SCD5: variants seen among roughly 807,000 people sequenced by gnomAD.
SCD5 encodes the protein stearoyl-CoA desaturase 5, also known as acyl-CoA-desaturase 4.
SCD5 carries 20 observed loss-of-function variants against 30.4 expected under a neutral mutation model. The ratio of observed to expected loss-of-function variants is 0.66; its 90% CI spans 0.46 to 0.96. SCD5 has a LOEUF of 0.96. Among genes scored for constraint, SCD5 ranks in the 40% least tolerant of loss-of-function variants. The pLI is 0.00. For missense variants in SCD5, 381 were observed against 443.3 expected, an observed-to-expected ratio of 0.86 and a Z score of 1.26; for synonymous variants, 173 against 176.4, an observed-to-expected ratio of 0.98 and a Z score of 0.16.
intron 3 of SCD5, among the ~76,000 whole-genome samples, chr4:82,649,199 G>C (rs1727694610): frequency 6.6e-6 from 1 of 151,514 alleles, no homozygotes; most frequent in Non-Finnish European, 1.5e-5. Context: ...GTGTGTGTGT[G>C]TGTGTGTGTG....
At chr4:82,757,606 A>C (rs1721261169) in intron 1 of SCD5, among the ~76,000 whole-genome samples, 1 of 152,212 alleles carries the variant, frequency 6.6e-6, no homozygotes, top group Non-Finnish European at 1.5e-5. Context: ...ATTGTGGGTG[A>C]GGTGGTTAAG....
At chr4:82,695,700 T>C (rs1163899550) in intron 2 of SCD5, among the ~76,000 whole-genome samples, 2 of 152,196 alleles carry the variant, frequency 1.3e-5, no homozygotes, top group African/African-American at 4.8e-5. Flanking sequence ...ACTTCTTCAA[T>C]CTGGGTGATT....
intron 3 of SCD5, among the ~76,000 whole-genome samples, chr4:82,651,996 T>C (rs1727767718): frequency 6.6e-6 from 1 of 152,232 alleles, no homozygotes; most frequent in African/African-American, 2.4e-5. Flanking sequence ...AAACCATTAC[T>C]GTGCATTTGA....
intron 2 of SCD5, among the ~76,000 whole-genome samples, chr4:82,689,370 TAAAAAG>T (rs139928864): frequency 0.095 from 14,404 of 151,998 alleles, 1,053 homozygotes; most frequent in African/African-American, 0.2. Flanking sequence ...GACACCACAC[TAAAAAG>T]AAAGAGTTTT....
At chr4:82,790,045 TC>T (rs1000244613) in intron 1 of SCD5, among the ~76,000 whole-genome samples, 2 of 152,010 alleles carry the variant, frequency 1.3e-5, no homozygotes. Flanking sequence ...ATTCCAAGCC[TC>T]CCCTCAGCTC....
At chr4:82,660,415 T>G (rs993409947) in intron 3 of SCD5, 7 of 824,818 alleles carry the variant, frequency 8.5e-6, no homozygotes, top group Non-Finnish European at 1.0e-5. Context: ...TAGCTTAAAC[T>G]CCTCTTAATC....
chr4:82,661,908 C>T (rs1309201164), intron 3 of SCD5, among the ~76,000 whole-genome samples: 1 of 152,236 alleles, frequency 6.6e-6, no homozygotes, highest in Non-Finnish European at 1.5e-5. Flanking sequence ...ATTCTACCTT[C>T]TTCCTCCACT....
At position 82,636,732 on chromosome 4, in the gene SCD5, A is replaced by T. The variant is rs922551115; in HGVS notation, c.661T>A (p.Phe221Ile). ...IWGESLWNSYFLASILRYTIS... is the reference protein window; with the variant it reads ...IWGESLWNSYILASILRYTIS... ...GTATAGCGGAGAATAGAGGCCAAGA[A>T]GTAGGAATTCCACAGACTCTCTCCC... Residue 221 changes from phenylalanine to isoleucine, a missense_variant, in exon 4 of 5, where the codon TTC (phenylalanine) becomes ATC (isoleucine). Phe to Ile is a conservative substitution (Grantham distance 21). Coordinates refer to ENST00000319540, the MANE Select transcript of SCD5 (RefSeq NM_001037582.3). 6.2e-7 allele frequency: 1 copy of T among 1,614,242 alleles called. No individual in the cohort carries two copies. Among genetic ancestry groups the T allele is most frequent in the Non-Finnish European group, 8.5e-7 (1 of 1,180,040 alleles).
chr4:82,677,758 T>C (rs1016224257), intron 3 of SCD5, among the ~76,000 whole-genome samples: 6 of 152,180 alleles, frequency 3.9e-5, no homozygotes, highest in African/African-American at 7.2e-5. Flanking sequence ...CACAAGAACA[T>C]TGAGTGAATA....
At chr4:82,775,596 C>T (rs532522070) in intron 1 of SCD5, 1 of 152,406 alleles carries the variant, frequency 6.6e-6, no homozygotes, top group African/African-American at 2.4e-5. Flanking sequence ...TGTGGTGGCT[C>T]ATGTCTATAA....
intron 1 of SCD5, among the ~76,000 whole-genome samples, chr4:82,769,432 C>A (rs560434941): frequency 1.3e-5 from 2 of 152,036 alleles, no homozygotes; most frequent in African/African-American, 4.8e-5. Context: ...TAATGTTTCA[C>A]CAATTTACAG....
At chr4:82,687,284 G>GA (rs1434318021) in intron 2 of SCD5, among the ~76,000 whole-genome samples, 77 of 152,052 alleles carry the variant, frequency 5.1e-4, no homozygotes, top group African/African-American at 1.8e-3. Flanking sequence ...TTAAGCATGG[G>GA]AAAAACAAAA....
At chr4:82,699,519 G>A (rs1338271531) in intron 2 of SCD5, among the ~76,000 whole-genome samples, 2 of 150,316 alleles carry the variant, frequency 1.3e-5, no homozygotes, top group Non-Finnish European at 2.9e-5. Flanking sequence ...CAAGCAGCTG[G>A]GACTACAGGC....
intron 3 of SCD5, chr4:82,660,392 C>G (rs1727969900): frequency 1.3e-6 from 1 of 786,908 alleles, no homozygotes; most frequent in African/African-American, 1.9e-5. Flanking sequence ...TATAGAAATA[C>G]ATCTGGAAAT....
intron 1 of SCD5, among the ~76,000 whole-genome samples, chr4:82,740,499 G>A (rs1303544841): frequency 1.3e-5 from 2 of 152,228 alleles, no homozygotes; most frequent in Non-Finnish European, 2.9e-5. Flanking sequence ...CCAATCTATA[G>A]TGAAGTTCAT....
chr4:82,635,739 A>T (rs1243236349), intron 4 of SCD5, among the ~76,000 whole-genome samples: 3 of 151,876 alleles, frequency 2.0e-5, no homozygotes, highest in African/African-American at 7.3e-5. Context: ...TGCTAGTATT[A>T]CCCCCACTTT....
chr4:82,653,679 T>TAGACAGAC (rs1254415361), intron 3 of SCD5, among the ~76,000 whole-genome samples: 22,620 of 140,234 alleles, frequency 0.16, 1,986 homozygotes, highest in East Asian at 0.33. Context: ...AAGTCAATGA[T>TAGACAGAC]AGATAGATAG....
chr4:82,698,711 C>T (rs1719750217), intron 2 of SCD5, among the ~76,000 whole-genome samples: 2 of 152,206 alleles, frequency 1.3e-5, no homozygotes, highest in African/African-American at 4.8e-5. Context: ...TTTGCTTTGA[C>T]TCCTCCCTCT....
chr4:82,783,892 T>C (rs1316569393), intron 1 of SCD5, among the ~76,000 whole-genome samples: 2 of 152,052 alleles, frequency 1.3e-5, no homozygotes, highest in Non-Finnish European at 2.9e-5. Flanking sequence ...TTGATAACTG[T>C]GCTGTGGTTA....
Sources: gnomAD v4.1 joint callset for allele counts (sites outside exome capture counted in the v4.1 genomes callset) on GRCh38, gnomAD v4.1.1 for gene constraint, MANE v1.5 for transcripts, NCBI Gene and HGNC (gene_info 2026-07-23, HGNC 2026-07-21) for gene names.